The following FOXF2 variants were observed in gnomAD, a reference collection of about 807,000 sequenced individuals.
FOXF2 encodes forkhead box F2, also known as forkhead box protein F2.
In FOXF2, 15 loss-of-function variants were observed where a neutral mutation model predicts 29.1. That is an observed-to-expected ratio of 0.52 (90% CI 0.35 to 0.79). The LOEUF is 0.79. FOXF2 is among the 30% of genes least tolerant of loss of function. The probability of loss-of-function intolerance (pLI) is 0.01; values close to 1 mark genes in which losing one functional copy is unlikely to be tolerated. For missense variants in FOXF2, 675 were observed against 667.1 expected, an observed-to-expected ratio of 1.01 and a Z score of -0.13; for synonymous variants, 337 against 316.5, an observed-to-expected ratio of 1.06 and a Z score of -0.69.
At chr6:1,394,613 G>A in intron 1 of FOXF2, 83 bp from the exon 2 acceptor site, 2 of 1,368,006 alleles carry the variant, frequency 1.5e-6, no homozygotes, top group South Asian at 2.3e-5. Flanking sequence ...AGCACCTTTT[G>A]TACTCTGAGG....
chr6:1,390,040 G>GCCC lies in FOXF2; in HGVS notation c.94_96dup (p.Pro32dup), dbSNP rs1758742149. 8 of 1,357,654 alleles carry GCCC rather than the reference G, an allele frequency of 5.9e-6. No individual in the cohort carries two copies. Among genetic ancestry groups the GCCC allele is most frequent in the Non-Finnish European group, 7.6e-6 (8 of 1,052,392 alleles). The allele number at this position is 1,357,654 out of a possible 1,614,324, so 84.1% of individuals were successfully genotyped here. On this transcript the variant is annotated inframe_insertion, in exon 1 of 2. Coordinates refer to ENST00000645481, the MANE Select transcript of FOXF2 (RefSeq NM_001452.2). The surrounding 1 kb of genome is among the most constrained non-coding windows in gnomAD (Gnocchi z 8.5). ...TCCAGGCCGCCCTGATGAGCCCGCCGCCCGCCGCCGCCGCCGCCGCCGCCG... is the reference window on the plus strand; with the variant it reads ...TCCAGGCCGCCCTGATGAGCCCGCCGCCCCCCGCCGCCGCCGCCGCCGCCGCCG...
chr6:1,390,868 C>G lies in FOXF2; in HGVS notation c.921C>G (p.Asp307Glu). Residue 307 changes from aspartate (D) to glutamate (E), a missense_variant, in exon 1 of 2, where the codon GAC (aspartate) becomes GAG (glutamate). Transcript: ENST00000645481. This position sits in a 1 kb window ranked among gnomAD's most constrained non-coding sequence, Gnocchi z 8.5. Reference sequence around the variant, plus strand: ...CGGCCGGGGGCGGCGGCGGCGGCGACTACGGGCCGGACAGCAGCAGCAGCC... The same window carrying G: ...CGGCCGGGGGCGGCGGCGGCGGCGAGTACGGGCCGGACAGCAGCAGCAGCC... ...VGAAGGGGGG[D>E]YGPDSSSSPV... is the part of the protein sequence containing the mutation. The G allele has an allele frequency of 6.7e-7, 1 of 1,488,566 alleles. No homozygotes were observed. The highest frequency in any genetic ancestry group is 8.9e-7 in the Non-Finnish European group (1 of 1,126,968). The allele number at this position is 1,488,566 out of a possible 1,614,324, so 92.2% of individuals were successfully genotyped here.
Position 1,390,073 on chromosome 6 carries a change from G to A in FOXF2, c.126G>A (p.Pro42=), listed in dbSNP as rs1410650849. The A allele has an allele frequency of 1.4e-6, 2 of 1,388,454 alleles. No individual in the cohort carries two copies. The highest frequency in any genetic ancestry group is 3.0e-5 in the African/African-American group (2 of 66,314). 86.0% of individuals were successfully genotyped at this position (1,388,454 alleles called of 1,614,324 possible). A position where few individuals can be genotyped will look rare whatever the true frequency, so the allele number is the denominator to read the frequency against. The change falls in exon 1 of 2, where the codon CCG becomes CCA. Residue 42 remains proline (P), a synonymous_variant. Transcript: ENST00000645481. The surrounding 1 kb of genome is among the most constrained non-coding windows in gnomAD (Gnocchi z 8.5). The part of the protein sequence containing the change: ...PAAAAAAAAA[P]ETTSSSSSSS... ...CCGCCGCCGCCGCCGCCGCCGCCCC[G>A]GAGACCACCTCCTCCTCCTCGTCGT...
rs969379671 is a variant in FOXF2, at chr6:1,395,043, C to T, written c.*184C>T. The T allele has an allele frequency of 7.8e-5, 50 of 641,276 alleles. No homozygotes were observed. Among genetic ancestry groups the T allele is most frequent in the Non-Finnish European group, 1.2e-4 (44 of 367,662 alleles). 39.7% of individuals were successfully genotyped at this position (641,276 alleles called of 1,614,324 possible). On this transcript the variant is annotated 3_prime_UTR_variant, in exon 2 of 2. Transcript: ENST00000645481. ...TGCCTACTGCTGGAAGAAGGACAAC[C>T]GCTGGCAAGGTAGCGTTCCCCAATC...
At position 1,394,699 on chromosome 6, in the gene FOXF2, G is replaced by C. The variant is rs781108073; in HGVS notation, c.1175G>C (p.Gly392Ala). ...TTTTTTTTCTTTCTTCTTTCAGTGGGACTGCCCCGTTACCAGCATCACTCT... is the reference window on the plus strand; with the variant it reads ...TTTTTTTTCTTTCTTCTTTCAGTGGCACTGCCCCGTTACCAGCATCACTCT... ...HQNAREDLSV[G>A]LPRYQHHSTP... The change falls in exon 2 of 2, where the codon GGA (glycine) becomes GCA (alanine). Residue 392 changes from glycine to alanine, a missense_variant. Transcript: ENST00000645481. 1.2e-5 allele frequency: 19 copies of C among 1,614,018 alleles called. No individual in the cohort carries two copies. The highest frequency in any genetic ancestry group is 1.6e-5 in the Non-Finnish European group (19 of 1,180,000).
chr6:1,390,082 C>A lies in FOXF2; in HGVS notation c.135C>A (p.Thr45=), dbSNP rs369263338. Residue 45 remains threonine, a synonymous_variant, in exon 1 of 2, where the codon ACC becomes ACA. Transcript: ENST00000645481. This position sits in a 1 kb window ranked among gnomAD's most constrained non-coding sequence, Gnocchi z 8.5. ...AAAAAAAPET[T]SSSSSSSSAS... ...CCGCCGCCGCCGCCCCGGAGACCAC[C>A]TCCTCCTCCTCGTCGTCGTCCTCCG... 1 of 1,414,364 alleles carries A rather than the reference C, an allele frequency of 7.1e-7. No homozygotes were observed. The highest frequency in any genetic ancestry group is 1.4e-5 in the South Asian group (1 of 71,754). The allele number at this position is 1,414,364 out of a possible 1,614,324, so 87.6% of individuals were successfully genotyped here.
In FOXF2 at chr6:1,394,803, T is replaced by C; in HGVS notation, c.1279T>C (p.Tyr427His). Residue 427 changes from tyrosine (Y) to histidine (H), a missense_variant, in exon 2 of 2, where the codon TAT (tyrosine) becomes CAT (histidine). Around this residue, in one of 3 missense-constraint regions of FOXF2, gnomAD observed 451 missense variants for 437.2 expected, o/e 1.03. Coordinates refer to ENST00000645481, the MANE Select transcript of FOXF2 (RefSeq NM_001452.2). ...TTTCCATCCCTCAGCTAGCGGGTCGTATTATCACCATCACCACCAGAGCGT... is the reference window on the plus strand; with the variant it reads ...TTTCCATCCCTCAGCTAGCGGGTCGCATTATCACCATCACCACCAGAGCGT... Reference protein sequence around the residue: ...SSFHPSASGSYYHHHHQSVCQ... With the variant: ...SSFHPSASGSHYHHHHQSVCQ... 1 of 1,614,160 alleles carries C rather than the reference T, an allele frequency of 6.2e-7. No individual in the cohort carries two copies. Among genetic ancestry groups the C allele is most frequent in the Non-Finnish European group, 8.5e-7 (1 of 1,180,028 alleles).
In FOXF2 at chr6:1,390,129, C is replaced by A; in HGVS notation, c.182C>A (p.Ser61Tyr). 1 of 1,449,350 alleles carries A rather than the reference C, an allele frequency of 6.9e-7. No homozygotes were observed. The highest frequency in any genetic ancestry group is 9.2e-7 in the Non-Finnish European group (1 of 1,086,570). The allele number at this position is 1,449,350 out of a possible 1,614,324, so 89.8% of individuals were successfully genotyped here. A position where few individuals can be genotyped will look rare whatever the true frequency, so the allele number is the denominator to read the frequency against. Residue 61 changes from serine to tyrosine, a missense_variant, in exon 1 of 2, where the codon TCC becomes TAC. Ser to Tyr is a moderately radical substitution (Grantham distance 144). This residue lies in a region of FOXF2 where 220 missense variants were observed against 205.5 expected (regional missense o/e 1.07). Transcript: ENST00000645481. The surrounding 1 kb of genome is among the most constrained non-coding windows in gnomAD (Gnocchi z 8.5). ...SSSASCASSS[S>Y]SSNSASAPSA... Reference sequence around the variant, plus strand: ...TCCGCCTCCTGCGCCTCGTCCTCGTCCTCCTCCAATTCGGCCAGCGCCCCC... The same window carrying A: ...TCCGCCTCCTGCGCCTCGTCCTCGTACTCCTCCAATTCGGCCAGCGCCCCC...
chr6:1,390,743 C>T lies in FOXF2; in HGVS notation c.796C>T (p.His266Tyr). 1 of 1,381,762 alleles carries T rather than the reference C, an allele frequency of 7.2e-7. No individual in the cohort carries two copies. Among genetic ancestry groups the T allele is most frequent in the Admixed American group, 3.6e-5 (1 of 27,978 alleles). The allele number at this position is 1,381,762 out of a possible 1,614,324, so 85.6% of individuals were successfully genotyped here. ...GGGCGCCCCCAGCCACGCGCACCCT[C>T]ACCACCACCACCACCACCACGTCCC... is the stretch of plus-strand genomic sequence containing the variant. ...GAGAPSHAHPHHHHHHHVPHM... is the reference protein window; with the variant it reads ...GAGAPSHAHPYHHHHHHVPHM... The change falls in exon 1 of 2, where the codon CAC becomes TAC. Residue 266 changes from histidine to tyrosine, a missense_variant. Physicochemically the swap from His to Tyr is moderately conservative, Grantham distance 83. This residue lies in a region of FOXF2 where 451 missense variants were observed against 437.2 expected (regional missense o/e 1.03). Transcript: ENST00000645481. This position sits in a 1 kb window ranked among gnomAD's most constrained non-coding sequence, Gnocchi z 8.5.
At position 1,391,120 on chromosome 6, in the gene FOXF2, T is replaced by TA; in HGVS notation, c.1171+4dup. On this transcript the variant is annotated splice_region_variant and intron_variant, in intron 1 of 1. Coordinates refer to ENST00000645481, the MANE Select transcript of FOXF2 (RefSeq NM_001452.2). ...AGAACGCTCGCGAGGACCTCTCAGG[T>TA]AACGCAGCACGCTCCAGCCCAGCCA... 3 of 1,600,760 alleles carry TA rather than the reference T, an allele frequency of 1.9e-6. No individual in the cohort carries two copies. Among genetic ancestry groups the TA allele is most frequent in the African/African-American group, 1.3e-5 (1 of 75,042 alleles).
chr6:1,391,026 A>G lies in FOXF2; in HGVS notation c.1079A>G (p.Asn360Ser). The G allele has an allele frequency of 6.3e-7, 1 of 1,598,946 alleles. No individual in the cohort carries two copies. The highest frequency in any genetic ancestry group is 8.5e-7 in the Non-Finnish European group (1 of 1,178,084). The change falls in exon 1 of 2, where the codon AAC becomes AGC. Residue 360 changes from asparagine to serine, a missense_variant. This residue lies in a region of FOXF2 where 451 missense variants were observed against 437.2 expected (regional missense o/e 1.03). Coordinates refer to ENST00000645481, the MANE Select transcript of FOXF2 (RefSeq NM_001452.2). ...CCGCCTGCCCTGACGCCCAGCAGCA[A>G]CCCCGCCGCCTCGGCAGGCCTGCAC... ...KQPPALTPSSNPAASAGLHSS... is the reference protein window; with the variant it reads ...KQPPALTPSSSPAASAGLHSS...
In FOXF2 at chr6:1,390,892, C is replaced by A; in HGVS notation, c.945C>A (p.Ser315Arg). 1 of 1,536,398 alleles carries A rather than the reference C, an allele frequency of 6.5e-7. No individual in the cohort carries two copies. The highest frequency in any genetic ancestry group is 8.7e-7 in the Non-Finnish European group (1 of 1,146,822). Residue 315 changes from serine to arginine, a missense_variant, in exon 1 of 2, where the codon AGC becomes AGA. This residue lies in a region of FOXF2 where 451 missense variants were observed against 437.2 expected (regional missense o/e 1.03). Transcript: ENST00000645481. This position sits in a 1 kb window ranked among gnomAD's most constrained non-coding sequence, Gnocchi z 8.5. Reference protein sequence around the residue: ...GGDYGPDSSSSPVPSSPAMAS... With the variant: ...GGDYGPDSSSRPVPSSPAMAS... ...ACTACGGGCCGGACAGCAGCAGCAG[C>A]CCGGTACCCTCGTCCCCGGCCATGG...
intron 1 of FOXF2, among the ~76,000 whole-genome samples, chr6:1,392,023 C>A (rs901727806): frequency 6.6e-6 from 1 of 152,144 alleles, no homozygotes; most frequent in African/African-American, 2.4e-5. Context: ...CTCGGAGCAC[C>A]TAGGGCTGCA....
Position 1,394,917 on chromosome 6 carries a change from T to A in FOXF2, c.*58T>A. The stretch of plus-strand genomic sequence containing the variant: ...CTCTCCCCTCCTCAGAGGGGGCAGA[T>A]AGAAACTGGGACGGATTCAAGTCAC... On this transcript the variant is annotated 3_prime_UTR_variant, in exon 2 of 2. Coordinates refer to ENST00000645481, the MANE Select transcript of FOXF2 (RefSeq NM_001452.2). The A allele has an allele frequency of 1.3e-6, 2 of 1,564,890 alleles. No homozygotes were observed.
rs1423083000 is a variant in FOXF2, at chr6:1,390,143, G to A, written c.196G>A (p.Ala66Thr). Residue 66 changes from alanine to threonine, a missense_variant, in exon 1 of 2, where the codon GCC (alanine) becomes ACC (threonine). By Grantham distance (58) the Ala-to-Thr change is moderately conservative (BLOSUM62 0). Coordinates refer to ENST00000645481, the MANE Select transcript of FOXF2 (RefSeq NM_001452.2). The surrounding 1 kb of genome is among the most constrained non-coding windows in gnomAD (Gnocchi z 8.5). ...CASSSSSSNS[A>T]SAPSAACKSA... Reference sequence around the variant, plus strand: ...CTCGTCCTCGTCCTCCTCCAATTCGGCCAGCGCCCCCTCGGCTGCCTGCAA... The same window carrying A: ...CTCGTCCTCGTCCTCCTCCAATTCGACCAGCGCCCCCTCGGCTGCCTGCAA... 2.3e-5 allele frequency: 34 copies of A among 1,455,516 alleles called. No homozygotes were observed. The highest frequency in any genetic ancestry group is 2.8e-5 in the Non-Finnish European group (31 of 1,091,570). The allele number at this position is 1,455,516 out of a possible 1,614,324, so 90.2% of individuals were successfully genotyped here. A position where few individuals can be genotyped will look rare whatever the true frequency, so the allele number is the denominator to read the frequency against.
rs141819988 is a variant in FOXF2, at chr6:1,394,847, C to A, written c.1323C>A (p.Pro441=). 1.1e-3 allele frequency: 1,813 copies of A among 1,614,186 alleles called. 19 individuals are homozygous for A. In the African/African-American group the frequency reaches 0.021, roughly 18 times the overall value. Residue 441 remains proline (P), a synonymous_variant, in exon 2 of 2, where the codon CCC becomes CCA. Transcript: ENST00000645481. The stretch of plus-strand genomic sequence containing the variant: ...AGAGCGTCTGTCAGGATATTAAGCC[C>A]TGCGTCATGTGAACGGAAAGAGGCC... ...HHQSVCQDIK[P]CVM
chr6:1,394,720 A>G lies in FOXF2; in HGVS notation c.1196A>G (p.His399Arg), dbSNP rs761889267. 1.9e-6 allele frequency: 3 copies of G among 1,613,316 alleles called. No homozygotes were observed. The African/African-American group carries it at 4.0e-5, about 22-fold the overall frequency. ...GTGGGACTGCCCCGTTACCAGCATC[A>G]CTCTACTCCAGTGTGTGACAGAAAA... ...LSVGLPRYQH[H>R]STPVCDRKDF... The change falls in exon 2 of 2, where the codon CAC becomes CGC. Residue 399 changes from histidine (H) to arginine (R), a missense_variant. Coordinates refer to ENST00000645481, the MANE Select transcript of FOXF2 (RefSeq NM_001452.2).
chr6:1,392,855 C>T (rs374880714), intron 1 of FOXF2, among the ~76,000 whole-genome samples: 3 of 152,220 alleles, frequency 2.0e-5, no homozygotes, highest in African/African-American at 2.4e-5. Flanking sequence ...CCTCGCAGAA[C>T]CCCCGACCGA....
At position 1,395,456 on chromosome 6, in the gene FOXF2, A is replaced by G. The variant is rs1758903651; in HGVS notation, c.*597A>G. ...TTACAAGGTTGTTTTCTACCACCAT[A>G]TTTTAAAGATATTTTTATGACCGTG... On this transcript the variant is annotated 3_prime_UTR_variant, in exon 2 of 2. Transcript: ENST00000645481. 6.5e-6 allele frequency: 1 copy of G among 154,512 alleles called. No homozygotes were observed. The highest frequency in any genetic ancestry group is 1.4e-5 in the Non-Finnish European group (1 of 69,282). The allele number at this position is 154,512 out of a possible 1,614,324, so 9.6% of individuals were successfully genotyped here.
Sources: gnomAD v4.1 joint callset for allele counts (sites outside exome capture counted in the v4.1 genomes callset) on GRCh38, gnomAD v4.1.1 for gene constraint, gnomAD v4.1.1 regional missense constraint, Gnocchi (gnomAD v3.1) non-coding constraint, MANE v1.5 for transcripts, NCBI Gene and HGNC (gene_info 2026-07-23, HGNC 2026-07-21) for gene names.